CNTN6: variants seen among roughly 807,000 people sequenced by gnomAD.
CNTN6 encodes the protein contactin 6, also known as contactin-6.
CNTN6 carries 137 observed loss-of-function variants against 122.8 expected under a neutral mutation model. The observed-to-expected ratio is 1.12, with a 90% CI of 0.97 to 1.29. The LOEUF (loss-of-function observed/expected upper bound fraction) is 1.29, where lower values mean the gene tolerates loss of function less well. Ranked by LOEUF, CNTN6 falls within the 50% of genes most tolerant of loss-of-function variation. The probability of loss-of-function intolerance (pLI) is 0.00; values close to 1 mark genes in which losing one functional copy is unlikely to be tolerated. For missense variants in CNTN6, 1,634 were observed against 1,223.4 expected (o/e 1.34, Z -5.01); for synonymous variants, 570 against 426.0 (o/e 1.34, Z -4.16).
Position 1,198,750 on chromosome 3 carries a change from G to GA in CNTN6, c.56-21931dup, listed in dbSNP as rs1224548660. 7.3e-5 allele frequency among the ~76,000 whole-genome samples: 11 copies of GA among 151,624 alleles called. No individual in the cohort carries two copies. In the East Asian group the frequency reaches 1.9e-3, roughly 27 times the overall value. ...AAAAAAAAAAAAGAAAGAAAGAAAA[G>GA]AAAAAATGCTGAGCTACAACATAGT... On this transcript the variant is annotated intron_variant, in intron 2 of 22. Transcript: ENST00000446702.
In CNTN6 at chr3:1,303,193, T is replaced by C. The variant is rs146952119; in HGVS notation, c.761+5202T>C. 5.1e-3 allele frequency among the ~76,000 whole-genome samples: 725 copies of C among 141,818 alleles called. 1 individual carries two copies. Among genetic ancestry groups the C allele is most frequent in the African/African-American group, 0.017 (692 of 39,638 alleles). The allele number at this position is 141,818 out of a possible 152,430, so 93.0% of individuals were successfully genotyped here. A position where few individuals can be genotyped will look rare whatever the true frequency, so the allele number is the denominator to read the frequency against. On this transcript the variant is annotated intron_variant, in intron 7 of 22. Transcript: ENST00000446702. Reference sequence around the variant, plus strand: ...TTTATTATAGCACTTAATATATTAATTATAGTAATTCAAAATTACAGTCTG... The same window carrying C: ...TTTATTATAGCACTTAATATATTAACTATAGTAATTCAAAATTACAGTCTG...
Position 1,098,934 on chromosome 3 carries a change from A to G in CNTN6, c.-83+5814A>G, listed in dbSNP as rs966774911. On this transcript the variant is annotated intron_variant, in intron 1 of 22. Transcript: ENST00000446702. ...ATTTAACATCTTCAGTATTCATAAA[A>G]TGAAAATACTAATACAATATATAAT... 1.1e-4 allele frequency among the ~76,000 whole-genome samples: 17 copies of G among 150,504 alleles called. No individual in the cohort carries two copies. The Admixed American group carries it at 1.1e-3, about 10-fold the overall frequency.
rs574416741 is a variant in CNTN6, at chr3:1,355,521, A to G, written c.1492+3070A>G. Among the ~76,000 whole-genome samples the G allele has an allele frequency of 2.6e-5, 4 of 151,882 alleles. No individual in the cohort carries two copies. In the East Asian group the frequency reaches 7.8e-4, roughly 29 times the overall value. ...GAAAAAATTATAATAGTGTACATCA[A>G]TTCAACCATTTTCTTGACTATTGGG... On this transcript the variant is annotated intron_variant, in intron 12 of 22. Transcript: ENST00000446702.
At chr3:1,249,144 C>A (rs1420113975) in intron 4 of CNTN6, among the ~76,000 whole-genome samples, 1 of 152,034 alleles carries the variant, frequency 6.6e-6, no homozygotes, top group Non-Finnish European at 1.5e-5. Flanking sequence ...TGTCTAAAGA[C>A]AATCAAATAG....
intron 4 of CNTN6, among the ~76,000 whole-genome samples, chr3:1,257,401 C>T (rs559572578): frequency 1.3e-5 from 2 of 152,162 alleles, no homozygotes; most frequent in South Asian, 4.1e-4. Flanking sequence ...TTTTGTGGCA[C>T]ATGCAGAAAC....
intron 8 of CNTN6, among the ~76,000 whole-genome samples, chr3:1,323,621 AG>A (rs1212454369): frequency 2.6e-5 from 4 of 151,804 alleles, no homozygotes; most frequent in African/African-American, 9.7e-5. Flanking sequence ...TTCAGAACCA[AG>A]TAATATTGTA....
chr3:1,208,212 A>G (rs2093984137), intron 2 of CNTN6, among the ~76,000 whole-genome samples: 1 of 152,106 alleles, frequency 6.6e-6, no homozygotes, highest in African/African-American at 2.4e-5. Context: ...ATGTTTTCTA[A>G]CTGTTTACAG....
chr3:1,174,080 T>C (rs968509588), intron 2 of CNTN6, among the ~76,000 whole-genome samples: 12 of 152,224 alleles, frequency 7.9e-5, no homozygotes, highest in African/African-American at 2.7e-4. Flanking sequence ...AATATCTTCA[T>C]AGTGTCTCTC....
chr3:1,250,358 C>T (rs1263016802), intron 4 of CNTN6, among the ~76,000 whole-genome samples: 2 of 152,128 alleles, frequency 1.3e-5, no homozygotes, highest in Non-Finnish European at 2.9e-5. Context: ...CTCACTCTAT[C>T]CTCCACCTTC....
At chr3:1,357,091 T>C (rs1329849282) in intron 12 of CNTN6, among the ~76,000 whole-genome samples, 2 of 152,042 alleles carry the variant, frequency 1.3e-5, no homozygotes, top group East Asian at 3.9e-4. Context: ...TTTTTCTTAA[T>C]GTATATTTTA....
intron 7 of CNTN6, among the ~76,000 whole-genome samples, chr3:1,313,721 A>G (rs1210072414): frequency 6.6e-6 from 1 of 152,146 alleles, no homozygotes; most frequent in Non-Finnish European, 1.5e-5. Context: ...GGCTGCCATC[A>G]CAAAATACTG....
At chr3:1,376,814 C>T (rs1487190387) in intron 16 of CNTN6, among the ~76,000 whole-genome samples, 191 bp from the exon 17 acceptor site, 2 of 152,132 alleles carry the variant, frequency 1.3e-5, no homozygotes, top group Non-Finnish European at 2.9e-5. Context: ...GCTCATGTAT[C>T]AAACACAACT....
chr3:1,156,615 T>TTTTG (rs1553609718), intron 2 of CNTN6, among the ~76,000 whole-genome samples: 1 of 150,838 alleles, frequency 6.6e-6, no homozygotes, highest in Non-Finnish European at 1.5e-5. Flanking sequence ...TTTCTTTTTC[T>TTTTG]TTTCTTTCTT....
chr3:1,203,924 C>A (rs1380460984), intron 2 of CNTN6, among the ~76,000 whole-genome samples: 1 of 152,110 alleles, frequency 6.6e-6, no homozygotes, highest in Non-Finnish European at 1.5e-5. Context: ...CAGTTGTCTG[C>A]AGTACTCAGT....
At chr3:1,265,117 A>G (rs527573620) in intron 4 of CNTN6, among the ~76,000 whole-genome samples, 1 of 107,026 alleles carries the variant, frequency 9.3e-6, no homozygotes, top group South Asian at 2.7e-4. Flanking sequence ...TTTGTTATCT[A>G]TTCACCTGAT....
chr3:1,195,486 G>C (rs944298047), intron 2 of CNTN6, among the ~76,000 whole-genome samples: 1 of 152,166 alleles, frequency 6.6e-6, no homozygotes, highest in Admixed American at 6.5e-5. Context: ...TTTTGATGAA[G>C]ACTTGTAAAT....
chr3:1,339,366 G>T (rs563113525), intron 11 of CNTN6, among the ~76,000 whole-genome samples: 1 of 152,036 alleles, frequency 6.6e-6, no homozygotes, highest in Non-Finnish European at 1.5e-5. Flanking sequence ...CTTGCCAAAC[G>T]ATTCATTTAT....
chr3:1,302,749 A>G (rs1697642511), intron 7 of CNTN6, among the ~76,000 whole-genome samples: 1 of 151,940 alleles, frequency 6.6e-6, no homozygotes, highest in South Asian at 2.1e-4. Flanking sequence ...TTTGTTATTT[A>G]TTTATCTTGC....
At chr3:1,213,093 G>A (rs868518636) in intron 2 of CNTN6, among the ~76,000 whole-genome samples, 1 of 152,012 alleles carries the variant, frequency 6.6e-6, no homozygotes. Context: ...GGCATCACAG[G>A]GATTTAATTT....
Sources: allele counts gnomAD v4.1 joint callset (sites outside exome capture counted in the v4.1 genomes callset), GRCh38; gene constraint gnomAD v4.1.1; transcripts MANE v1.5; gene names NCBI Gene and HGNC (gene_info 2026-07-23, HGNC 2026-07-21).